The following TOM1L2 variants were observed in gnomAD, a reference collection of about 807,000 sequenced individuals.
The protein encoded by TOM1L2 is TOM1-like protein 2.
Under a neutral mutation model 67.9 loss-of-function variants are expected in TOM1L2, and 31 were observed. The observed-to-expected ratio is 0.46, with a 90% confidence interval of 0.34 to 0.62. The LOEUF is 0.62. Among genes scored for constraint, TOM1L2 ranks in the 20% least tolerant of loss-of-function variants. The pLI, the probability that TOM1L2 is intolerant of heterozygous loss-of-function variation, is 0.01. For synonymous variants in TOM1L2, 256 were observed against 254.0 expected (o/e 1.01, Z -0.07); for missense variants, 606 against 663.5 (o/e 0.91, Z 0.95).
chr17:17,918,641 A>G (rs753897149), intron 1 of TOM1L2, among the ~76,000 whole-genome samples: 101 of 152,290 alleles, frequency 6.6e-4, no homozygotes, highest in Non-Finnish European at 1.4e-3. Flanking sequence ...CTATCTGCCC[A>G]TATCTAGCTC....
At position 17,846,729 on chromosome 17, in the gene TOM1L2, C is replaced by T. The variant is rs1203069540; in HGVS notation, c.*906G>A. The T allele has an allele frequency of 6.6e-6, 1 of 152,322 alleles. No homozygotes were observed. Among genetic ancestry groups the T allele is most frequent in the Admixed American group, 6.5e-5 (1 of 15,290 alleles). 9.4% of individuals were successfully genotyped at this position (152,322 alleles called of 1,614,324 possible). A position where few individuals can be genotyped will look rare whatever the true frequency, so the allele number is the denominator to read the frequency against. On this transcript the variant is annotated 3_prime_UTR_variant, in exon 15 of 15. Transcript: ENST00000379504. ...GAGGCTACGGCAGGCCAGGCCACAG[C>T]ACTGAGTGTGGCCCATGTGCACATC...
chr17:17,850,955 A>C lies in TOM1L2; in HGVS notation c.1279-3T>G. The stretch of plus-strand genomic sequence containing the variant: ...ACAGATGGCTGCGCAACGGGGATCT[A>C]TGGAGGCGGCAAGCAGCGGGCCAGG... On this transcript the variant is annotated splice_region_variant and splice_polypyrimidine_tract_variant and intron_variant, in intron 12 of 14. Coordinates refer to ENST00000379504, the MANE Select transcript of TOM1L2 (RefSeq NM_001082968.2). 6.2e-7 allele frequency: 1 copy of C among 1,613,802 alleles called. No homozygotes were observed. Among genetic ancestry groups the C allele is most frequent in the Non-Finnish European group, 8.5e-7 (1 of 1,179,988 alleles).
chr17:17,888,176 G>A (rs1170300590), intron 4 of TOM1L2, among the ~76,000 whole-genome samples: 1 of 152,178 alleles, frequency 6.6e-6, no homozygotes, highest in South Asian at 2.1e-4. Flanking sequence ...GGAGCTAGCT[G>A]GTTAATGGCC....
intron 1 of TOM1L2, among the ~76,000 whole-genome samples, chr17:17,969,401 T>C (rs897080893): frequency 1.3e-5 from 2 of 152,178 alleles, no homozygotes; most frequent in Non-Finnish European, 2.9e-5. Context: ...GTTATTTTAT[T>C]TCTGTATTCC....
At chr17:17,940,172 G>A (rs144970186) in intron 1 of TOM1L2, among the ~76,000 whole-genome samples, 3 of 123,314 alleles carry the variant, frequency 2.4e-5, no homozygotes, top group East Asian at 4.6e-4. Flanking sequence ...CAGGCTGGGC[G>A]ACAGAGCAAG....
rs751132404 is a variant in TOM1L2, at chr17:17,866,362, C to T, written c.1018G>A (p.Val340Met). The change falls in exon 10 of 15, where the codon GTG (valine) becomes ATG (methionine). Residue 340 changes from valine to methionine, a missense_variant. Physicochemically the swap from Val to Met is conservative, Grantham distance 21. This residue lies in a region of TOM1L2 where 543 missense variants were observed against 554.0 expected (regional missense o/e 0.98). Coordinates refer to ENST00000379504, the MANE Select transcript of TOM1L2 (RefSeq NM_001082968.2). ...LIDLGPGSPA[V>M]VSPMVGNTAP... ...GTGTTCCCCACCATTGGGCTCACCA[C>T]GGCTGGAGACCCTGGCCCCAGGTCT... 5.6e-6 allele frequency: 9 copies of T among 1,610,328 alleles called. No individual in the cohort carries two copies. Among genetic ancestry groups the T allele is most frequent in the South Asian group, 1.1e-5 (1 of 90,108 alleles).
intron 12 of TOM1L2, chr17:17,858,363 C>T (rs1203987296): frequency 1.3e-5 from 2 of 152,956 alleles, no homozygotes; most frequent in Non-Finnish European, 2.9e-5. Flanking sequence ...GTCTCAAAAA[C>T]TCCTGGGCGC....
intron 1 of TOM1L2, among the ~76,000 whole-genome samples, chr17:17,919,065 G>A (rs78921226): frequency 6.6e-6 from 1 of 152,182 alleles, no homozygotes; most frequent in Non-Finnish European, 1.5e-5. Flanking sequence ...ATGGAGTCTA[G>A]AACAGGGAGT....
intron 2 of TOM1L2, among the ~76,000 whole-genome samples, chr17:17,906,114 G>C (rs2039086030): frequency 6.9e-6 from 1 of 144,262 alleles, no homozygotes; most frequent in Non-Finnish European, 1.5e-5. Context: ...CTTTTCTGTT[G>C]TTTTGTCTTC....
At chr17:17,955,344 T>TG (rs1234826047) in intron 1 of TOM1L2, among the ~76,000 whole-genome samples, 4 of 145,248 alleles carry the variant, frequency 2.8e-5, no homozygotes, top group Non-Finnish European at 6.0e-5. Context: ...TTTTTTTTTT[T>TG]TTTTTTGTTT....
chr17:17,869,602 C>T (rs2037049186), intron 7 of TOM1L2, 129 bp from the exon 8 acceptor site: 2 of 1,415,196 alleles, frequency 1.4e-6, no homozygotes, highest in African/African-American at 2.9e-5. Context: ...TAAAACCAGA[C>T]ATGTGCCGAA....
At chr17:17,961,549 TG>T (rs2041678433) in intron 1 of TOM1L2, among the ~76,000 whole-genome samples, 1 of 151,756 alleles carries the variant, frequency 6.6e-6, no homozygotes, top group Non-Finnish European at 1.5e-5. Flanking sequence ...TACTCTAGCC[TG>T]GGTGACAGAA....
In TOM1L2 at chr17:17,847,557, T is replaced by G; in HGVS notation, c.*78A>C. The G allele has an allele frequency of 2.0e-6, 3 of 1,515,980 alleles. No individual in the cohort carries two copies. The highest frequency in any genetic ancestry group is 2.7e-6 in the Non-Finnish European group (3 of 1,131,622). 93.9% of individuals were successfully genotyped at this position (1,515,980 alleles called of 1,614,324 possible). A position where few individuals can be genotyped will look rare whatever the true frequency, so the allele number is the denominator to read the frequency against. ...TGTGCAGGCCGTGTGGAGCTGGGGA[T>G]GTAGGAGTGGCCAGTGCCCGGTGTC... On this transcript the variant is annotated 3_prime_UTR_variant, in exon 15 of 15. Transcript: ENST00000379504.
chr17:17,940,249 A>G (rs990757028), intron 1 of TOM1L2, among the ~76,000 whole-genome samples: 5 of 150,566 alleles, frequency 3.3e-5, no homozygotes. Context: ...TAGGGTTGTT[A>G]CTCAGATGAG....
At chr17:17,938,646 G>A (rs1175101992) in intron 1 of TOM1L2, among the ~76,000 whole-genome samples, 1 of 151,998 alleles carries the variant, frequency 6.6e-6, no homozygotes, top group South Asian at 2.1e-4. Context: ...GCACAGGGAC[G>A]CAACCCAGCA....
intron 1 of TOM1L2, among the ~76,000 whole-genome samples, chr17:17,962,393 T>G (rs765859515): frequency 2.0e-5 from 3 of 151,682 alleles, no homozygotes; most frequent in Non-Finnish European, 4.4e-5. Context: ...CGATCTTAGC[T>G]CACTGCAACC....
intron 4 of TOM1L2, among the ~76,000 whole-genome samples, chr17:17,888,496 C>T (rs546517751): frequency 6.6e-6 from 1 of 152,320 alleles, no homozygotes; most frequent in South Asian, 2.1e-4. Flanking sequence ...CTTCTGTCAG[C>T]TCCTGCTTAT....
intron 1 of TOM1L2, among the ~76,000 whole-genome samples, chr17:17,936,276 A>G (rs1234118014): frequency 6.6e-6 from 1 of 152,120 alleles, no homozygotes; most frequent in African/African-American, 2.4e-5. Flanking sequence ...TACTCTTGTT[A>G]ACATTTAACA....
chr17:17,898,793 G>T (rs1306060650), intron 2 of TOM1L2, 119 bp from the exon 3 acceptor site: 33 of 953,506 alleles, frequency 3.5e-5, no homozygotes, highest in Non-Finnish European at 5.0e-5. Flanking sequence ...GTTTGTAAAT[G>T]TAAAAGACTG....
Sources: allele counts gnomAD v4.1 joint callset (sites outside exome capture counted in the v4.1 genomes callset), GRCh38; gene constraint gnomAD v4.1.1; regional missense constraint gnomAD v4.1.1; transcripts MANE v1.5; gene names NCBI Gene and HGNC (gene_info 2026-07-23, HGNC 2026-07-21).